Variants in OR7C1 observed in about 807,000 individuals in gnomAD.
OR7C1 encodes the protein olfactory receptor family 7 subfamily C member 1.
For synonymous variants in OR7C1, 152 were observed against 160.7 expected, an observed-to-expected ratio of 0.95 and a Z score of 0.41; for missense variants, 324 against 383.3, an observed-to-expected ratio of 0.85 and a Z score of 1.29.
chr19:14,810,472 C>T (rs977615960), intron 1 of OR7C1, among the ~76,000 whole-genome samples: 15 of 151,722 alleles, frequency 9.9e-5, no homozygotes, highest in Admixed American at 2.6e-4. Context: ...CTCCACCTCC[C>T]GGGTTCACAC....
chr19:14,817,898 A>G (rs373707892), intron 1 of OR7C1, among the ~76,000 whole-genome samples: 1 of 152,086 alleles, frequency 6.6e-6, no homozygotes, highest in Admixed American at 6.6e-5. Flanking sequence ...AAAAAAACTG[A>G]GTATTAAGTG....
At chr19:14,814,430 AT>A (rs60783847) in intron 1 of OR7C1, among the ~76,000 whole-genome samples, 14 of 150,156 alleles carry the variant, frequency 9.3e-5, no homozygotes, top group East Asian at 2.0e-4. Context: ...TTATTTATGT[AT>A]TTTTTTTTTG....
chr19:14,823,353 G>A (rs1401761818), intron 1 of OR7C1, among the ~76,000 whole-genome samples: 3 of 152,210 alleles, frequency 2.0e-5, no homozygotes, highest in Non-Finnish European at 1.5e-5. Flanking sequence ...TCGGGAGGCT[G>A]AGGCAAAAGG....
chr19:14,804,668 G>GGATAACGA (rs1170871384), intron 2 of OR7C1, among the ~76,000 whole-genome samples: 1 of 151,802 alleles, frequency 6.6e-6, no homozygotes, highest in Non-Finnish European at 1.5e-5. Context: ...ACGAGTCGCA[G>GGATAACGA]GATAACGAGT....
At chr19:14,817,512 A>T (rs181788178) in intron 1 of OR7C1, among the ~76,000 whole-genome samples, 4 of 152,094 alleles carry the variant, frequency 2.6e-5, no homozygotes, top group Admixed American at 2.6e-4. Context: ...TAAAATTCAG[A>T]CTTCCATCTG....
At position 14,801,937 on chromosome 19, in the gene OR7C1, C is replaced by T. The variant is rs189737663; in HGVS notation, c.-434-1173G>A. Among the ~76,000 whole-genome samples, 7 of 152,322 alleles carry T rather than the reference C, an allele frequency of 4.6e-5. No individual in the cohort carries two copies. In the East Asian group the frequency reaches 1.2e-3, roughly 25 times the overall value. On this transcript the variant is annotated intron_variant, in intron 2 of 4. Transcript: ENST00000641666. The stretch of plus-strand genomic sequence containing the variant: ...TGTGATCCAATCACCTCCCACCAGG[C>T]CCCTCCCTCAACCTTGGGGATTATA...
At chr19:14,808,915 T>C (rs780556891) in intron 2 of OR7C1, among the ~76,000 whole-genome samples, 2 of 152,054 alleles carry the variant, frequency 1.3e-5, no homozygotes, top group Non-Finnish European at 2.9e-5. Flanking sequence ...ATTACTTCTG[T>C]AATTATGCAC....
exon 4 of OR7C1, chr19:14,800,355 G>A (rs1395722700): frequency 9.1e-6 from 5 of 546,856 alleles, no homozygotes; most frequent in Non-Finnish European, 1.6e-5. Flanking sequence ...CATAATACTT[G>A]TACCCTCTAT....
At chr19:14,822,807 T>C (rs2044747429) in intron 1 of OR7C1, among the ~76,000 whole-genome samples, 1 of 152,164 alleles carries the variant, frequency 6.6e-6, no homozygotes, top group African/African-American at 2.4e-5. Context: ...GCCAGCTGTA[T>C]GTCTTCTATT....
Position 14,828,758 on chromosome 19 carries a change from C to CAA in OR7C1, c.-623+6314_-623+6315dup, listed in dbSNP as rs58983718. Reference sequence around the variant, plus strand: ...CTGGTGACAGAGCGAGACTCCATCTCAAAAAAAAAAAAAAAAAAAAAAAAA... The same window carrying CAA: ...CTGGTGACAGAGCGAGACTCCATCTCAAAAAAAAAAAAAAAAAAAAAAAAAAA... On this transcript the variant is annotated intron_variant, in intron 1 of 4. Transcript: ENST00000641666. Among the ~76,000 whole-genome samples, 84 of 35,134 alleles carry CAA rather than the reference C, an allele frequency of 2.4e-3. 6 individuals are homozygous for CAA. Among genetic ancestry groups the CAA allele is most frequent in the African/African-American group, 4.8e-3 (45 of 9,456 alleles). The allele number at this position is 35,134 out of a possible 152,430, so 23.0% of individuals were successfully genotyped here. A position where few individuals can be genotyped will look rare whatever the true frequency, so the allele number is the denominator to read the frequency against.
intron 1 of OR7C1, chr19:14,824,552 G>GTTT (rs370309105): frequency 6.6e-5 from 10 of 152,060 alleles, no homozygotes; most frequent in African/African-American, 2.4e-4. Flanking sequence ...CAAAGGACAT[G>GTTT]TTTTTTTCTT....
intron 1 of OR7C1, among the ~76,000 whole-genome samples, chr19:14,813,329 C>CCTCAG (rs2044700049): frequency 6.6e-6 from 1 of 151,940 alleles, no homozygotes; most frequent in East Asian, 1.9e-4. Flanking sequence ...CTGAGGTGGG[C>CCTCAG]GGATCACAAG....
rs754778616 is a variant in OR7C1, at chr19:14,828,187, G to A, written c.-623+6887C>T. 31 of 1,613,524 alleles carry A rather than the reference G, an allele frequency of 1.9e-5. No individual in the cohort carries two copies. In the Admixed American group the frequency reaches 4.8e-4, roughly 25 times the overall value. On this transcript the variant is annotated intron_variant, in intron 1 of 4. Coordinates refer to ENST00000641666, the Ensembl canonical transcript of OR7C1. ...AGGAAGGGTTGCAGTCCAGGTTCTT[G>A]TGAAAATCCCAGAAGAAGAAATTCT... is the stretch of plus-strand genomic sequence containing the variant.
chr19:14,831,694 C>T (rs1422231700), intron 1 of OR7C1, among the ~76,000 whole-genome samples: 6 of 152,134 alleles, frequency 3.9e-5, no homozygotes, highest in Non-Finnish European at 7.4e-5. Flanking sequence ...CCGCCTGCCT[C>T]GGCCTCCCAA....
chr19:14,803,240 G>C (rs1251071253), intron 2 of OR7C1, among the ~76,000 whole-genome samples: 1 of 149,874 alleles, frequency 6.7e-6, no homozygotes, highest in Non-Finnish European at 1.5e-5. Context: ...CTGGGAGATG[G>C]AGGTTGCAGT....
chr19:14,801,808 C>T (rs987872066), intron 2 of OR7C1, among the ~76,000 whole-genome samples: 6 of 152,180 alleles, frequency 3.9e-5, no homozygotes, highest in African/African-American at 9.7e-5. Context: ...AGAGAGAGCG[C>T]GCGCTAAGGC....
At chr19:14,822,411 G>A (rs1342091037) in intron 1 of OR7C1, among the ~76,000 whole-genome samples, 31 of 100,194 alleles carry the variant, frequency 3.1e-4, no homozygotes, top group African/African-American at 1.3e-3. Flanking sequence ...TTGAGATGGA[G>A]TCTCGCTCTG....
At chr19:14,812,657 G>C (rs1402863355) in intron 1 of OR7C1, among the ~76,000 whole-genome samples, 1 of 151,884 alleles carries the variant, frequency 6.6e-6, no homozygotes, top group Non-Finnish European at 1.5e-5. Flanking sequence ...GCTGATTAAA[G>C]CCACTCCCTT....
chr19:14,829,962 A>G (rs2044814932), intron 1 of OR7C1, among the ~76,000 whole-genome samples: 2 of 152,158 alleles, frequency 1.3e-5, no homozygotes, highest in Non-Finnish European at 2.9e-5. Context: ...ACCCAGGCTC[A>G]AGCCATCCTC....
Sources: allele counts gnomAD v4.1 joint callset (sites outside exome capture counted in the v4.1 genomes callset), GRCh38; gene constraint gnomAD v4.1.1; transcripts MANE v1.5; gene names NCBI Gene and HGNC (gene_info 2026-07-23, HGNC 2026-07-21).